CACNA1B: variants seen among roughly 807,000 people sequenced by gnomAD.
CACNA1B encodes calcium voltage-gated channel subunit alpha1 B, also known as voltage-dependent N-type calcium channel subunit alpha-1B.
CACNA1B carries 70 observed loss-of-function variants against 247.2 expected under a neutral mutation model. That is an observed-to-expected ratio of 0.28 (90% CI 0.23 to 0.35). CACNA1B has a LOEUF of 0.35. Ranked by LOEUF, CACNA1B falls within the 10% of genes least tolerant of loss-of-function variation. The pLI, the probability that CACNA1B is intolerant of heterozygous loss-of-function variation, is 1.00. For missense variants in CACNA1B, 2,367 were observed against 3,197.4 expected (o/e 0.74, Z 6.26); for synonymous variants, 1,231 against 1,294.4 (o/e 0.95, Z 1.05).
chr9:138,082,617 G>A (rs1960560754), intron 36 of CACNA1B, among the ~76,000 whole-genome samples: 1 of 151,254 alleles, frequency 6.6e-6, no homozygotes, highest in Non-Finnish European at 1.5e-5. Context: ...CCTCTAGGCT[G>A]AACTTAAAAT....
At chr9:138,044,031 G>C in intron 21 of CACNA1B, 131 bp downstream of exon 21, 1 of 1,242,044 alleles carries the variant, frequency 8.1e-7, no homozygotes, top group Non-Finnish European at 1.1e-6. Flanking sequence ...TCCCATGGCA[G>C]ACCCCAGAGG....
At chr9:137,983,663 A>G (rs1564220862) in intron 12 of CACNA1B, among the ~76,000 whole-genome samples, 1 of 152,200 alleles carries the variant, frequency 6.6e-6, no homozygotes, top group African/African-American at 2.4e-5. Context: ...GAGCAGTGGC[A>G]GAACCAGGGA....
chr9:137,960,603 C>T (rs1656172146), intron 10 of CACNA1B, among the ~76,000 whole-genome samples: 1 of 151,862 alleles, frequency 6.6e-6, no homozygotes, highest in Non-Finnish European at 1.5e-5. Flanking sequence ...TTCCAGGCAA[C>T]GAGTGCCAAG....
chr9:138,107,900 G>A (rs1291746023), intron 39 of CACNA1B, among the ~76,000 whole-genome samples: 1 of 151,902 alleles, frequency 6.6e-6, no homozygotes, highest in Non-Finnish European at 1.5e-5. Flanking sequence ...CAGGAGAATG[G>A]CGTGAACCCA....
intron 5 of CACNA1B, among the ~76,000 whole-genome samples, chr9:137,916,236 T>G (rs1210884817): frequency 6.6e-6 from 1 of 152,162 alleles, no homozygotes; most frequent in African/African-American, 2.4e-5. Context: ...TTTCACCATG[T>G]TGCCCAGGCT....
In CACNA1B at chr9:138,120,767, G is replaced by T; in HGVS notation, c.6375G>T (p.Gln2125His). 6.4e-7 allele frequency: 1 copy of T among 1,551,228 alleles called. No individual in the cohort carries two copies. ...CCTCATCCTCCTCCTCGGAGAAGCA[G>T]CGCTTCTACTCCTGCGACCGCTTTG... ...RQPSSSSSEK[Q>H]RFYSCDRFGG... The change falls in exon 46 of 47, where the codon CAG (glutamine) becomes CAT (histidine). Residue 2125 changes from glutamine to histidine, a missense_variant. Around this residue, in one of 12 missense-constraint regions of CACNA1B, gnomAD observed 773 missense variants for 779.4 expected, o/e 0.99. Transcript: ENST00000371372.
Position 138,054,496 on chromosome 9 carries a change from T to C in CACNA1B, c.3968+490T>C, listed in dbSNP as rs982375238. Among the ~76,000 whole-genome samples the C allele has an allele frequency of 2.0e-5, 3 of 152,198 alleles. No individual in the cohort carries two copies. Among genetic ancestry groups the C allele is most frequent in the Non-Finnish European group, 4.4e-5 (3 of 68,032 alleles). ...TGGGGGAAAGCTGGTTAGCTGCCTGTGTGGACCCCGGGCAAGGCAGTACCC... is the reference window on the plus strand; with the variant it reads ...TGGGGGAAAGCTGGTTAGCTGCCTGCGTGGACCCCGGGCAAGGCAGTACCC... On this transcript the variant is annotated intron_variant, in intron 26 of 46. Transcript: ENST00000371372. This position sits in a 1 kb window ranked among gnomAD's most constrained non-coding sequence, Gnocchi z 4.6.
At chr9:137,915,281 G>A (rs1336932678) in intron 5 of CACNA1B, among the ~76,000 whole-genome samples, 1 of 152,258 alleles carries the variant, frequency 6.6e-6, no homozygotes, top group Non-Finnish European at 1.5e-5. Flanking sequence ...AGACAGTGGA[G>A]CGCTTTGAGT....
chr9:138,000,134 T>C (rs138850486), intron 15 of CACNA1B, among the ~76,000 whole-genome samples: 2 of 150,826 alleles, frequency 1.3e-5, no homozygotes, highest in Non-Finnish European at 3.0e-5. Flanking sequence ...AGTCTCGCTC[T>C]GTCGCCCAGG....
chr9:138,080,027 C>CAGAGAT (rs1415571583), intron 36 of CACNA1B, among the ~76,000 whole-genome samples: 1 of 152,172 alleles, frequency 6.6e-6, no homozygotes. Context: ...ACAGCCGGGA[C>CAGAGAT]AGAGATGCTC....
At chr9:137,893,386 C>T (rs1564877554) in intron 3 of CACNA1B, among the ~76,000 whole-genome samples, 2 of 150,192 alleles carry the variant, frequency 1.3e-5, no homozygotes, top group African/African-American at 2.4e-5. Context: ...TGCGGTGGCT[C>T]ATGCCTGTAA....
chr9:138,106,618 A>C (rs896484761), intron 39 of CACNA1B, among the ~76,000 whole-genome samples: 1 of 152,114 alleles, frequency 6.6e-6, no homozygotes, highest in Non-Finnish European at 1.5e-5. Flanking sequence ...AAATACAAAA[A>C]TTAGGTGGGC....
chr9:138,051,591 C>T lies in CACNA1B; in HGVS notation c.3711-501C>T, dbSNP rs866631654. Reference sequence around the variant, plus strand: ...TTCCCCTCTTCTGTCTTCCCGCTGTCGGTTTCACGTCAGCGGGAGGAATGT... The same window carrying T: ...TTCCCCTCTTCTGTCTTCCCGCTGTTGGTTTCACGTCAGCGGGAGGAATGT... On this transcript the variant is annotated intron_variant, in intron 24 of 46. Coordinates refer to ENST00000371372, the MANE Select transcript of CACNA1B (RefSeq NM_000718.4). This position sits in a 1 kb window ranked among gnomAD's most constrained non-coding sequence, Gnocchi z 4.3. 1.8e-4 allele frequency among the ~76,000 whole-genome samples: 28 copies of T among 151,850 alleles called. No individual in the cohort carries two copies. Among genetic ancestry groups the T allele is most frequent in the Admixed American group, 5.9e-4 (9 of 15,260 alleles).
At chr9:137,999,367 T>G (rs1421447091) in intron 15 of CACNA1B, among the ~76,000 whole-genome samples, 1 of 151,476 alleles carries the variant, frequency 6.6e-6, no homozygotes, top group Non-Finnish European at 1.5e-5. Flanking sequence ...GATTTGGGAG[T>G]AAAGAGGAAA....
intron 3 of CACNA1B, among the ~76,000 whole-genome samples, chr9:137,884,728 C>A (rs1343631275): frequency 1.3e-5 from 2 of 152,014 alleles, no homozygotes; most frequent in East Asian, 3.9e-4. Flanking sequence ...CAGCACCCGG[C>A]CTCATGGGGC....
chr9:137,960,456 CTGAATGAAGG>C (rs1958006408), intron 10 of CACNA1B, among the ~76,000 whole-genome samples: 1 of 59,904 alleles, frequency 1.7e-5, no homozygotes, highest in Non-Finnish European at 4.4e-5. Flanking sequence ...GGAGGTCGGC[CTGAATGAAGG>C]ACACCCAGGA....
chr9:138,108,729 A>G (rs1176968607), intron 39 of CACNA1B, among the ~76,000 whole-genome samples: 1 of 152,024 alleles, frequency 6.6e-6, no homozygotes, highest in African/African-American at 2.4e-5. Context: ...GCTCACTACA[A>G]GCTCTGCCTC....
intron 38 of CACNA1B, among the ~76,000 whole-genome samples, chr9:138,104,430 G>A (rs997336842): frequency 5.3e-5 from 8 of 152,322 alleles, no homozygotes; most frequent in South Asian, 4.1e-4. Context: ...CTCTCACACC[G>A]CCATTCATGC....
chr9:137,960,194 G>C (rs1475382617), intron 10 of CACNA1B, among the ~76,000 whole-genome samples: 1 of 61,228 alleles, frequency 1.6e-5, no homozygotes, highest in African/African-American at 5.9e-5. Flanking sequence ...GTTGGCCTGA[G>C]TGAGGGGGAG....
Sources: allele counts gnomAD v4.1 joint callset (sites outside exome capture counted in the v4.1 genomes callset), GRCh38; gene constraint gnomAD v4.1.1; regional missense constraint gnomAD v4.1.1; non-coding constraint Gnocchi (gnomAD v3.1); transcripts MANE v1.5; gene names NCBI Gene and HGNC (gene_info 2026-07-23, HGNC 2026-07-21).